Variants in NRG3 observed in about 807,000 individuals in gnomAD.
The protein encoded by NRG3 is pro-neuregulin-3, membrane-bound isoform.
Under a neutral mutation model 66.9 loss-of-function variants are expected in NRG3, and 31 were observed. The observed-to-expected ratio is 0.46, with a 90% CI of 0.35 to 0.63. The LOEUF is 0.63. Ranked by LOEUF, NRG3 falls within the 20% of genes least tolerant of loss-of-function variation. The pLI is 0.00. For missense variants in NRG3, 910 were observed against 878.9 expected (o/e 1.04, Z -0.45); for synonymous variants, 393 against 359.4 (o/e 1.09, Z -1.06).
chr10:82,420,314 G>A (rs556199392), intron 2 of NRG3, among the ~76,000 whole-genome samples: 2 of 152,192 alleles, frequency 1.3e-5, no homozygotes, highest in Admixed American at 6.5e-5. Flanking sequence ...GTCATAATTA[G>A]GGATGCAATG....
chr10:82,776,587 A>T lies in NRG3; in HGVS notation c.1027+37937A>T, dbSNP rs1591488469. On this transcript the variant is annotated intron_variant, in intron 3 of 8. Transcript: ENST00000372141. ...AATATTTATTCACTTAATGGTGTTT[A>T]ATAAGTCCCATAGACTTTCTTTTTC... Among the ~76,000 whole-genome samples the T allele has an allele frequency of 2.6e-5, 4 of 152,092 alleles. No individual in the cohort carries two copies. In the South Asian group the frequency reaches 8.3e-4, roughly 31 times the overall value.
At chr10:82,001,706 G>T (rs1011176518) in intron 1 of NRG3, among the ~76,000 whole-genome samples, 3 of 152,038 alleles carry the variant, frequency 2.0e-5, no homozygotes, top group African/African-American at 4.8e-5. Context: ...CACTTTTTTT[G>T]TACTGATATT....
intron 1 of NRG3, among the ~76,000 whole-genome samples, chr10:82,354,495 AT>A (rs563979662): frequency 9.0e-4 from 136 of 151,272 alleles, no homozygotes; most frequent in Non-Finnish European, 1.6e-3. Context: ...GGTTCAAGTG[AT>A]TCTCCTGCCT....
chr10:82,533,075 G>A (rs1847452016), intron 2 of NRG3, among the ~76,000 whole-genome samples: 1 of 148,636 alleles, frequency 6.7e-6, no homozygotes, highest in African/African-American at 2.5e-5. Flanking sequence ...ACATATACCT[G>A]TTGGCTATTT....
chr10:82,004,021 A>ACACG (rs1383676502), intron 1 of NRG3, among the ~76,000 whole-genome samples: 2 of 151,308 alleles, frequency 1.3e-5, no homozygotes, highest in Non-Finnish European at 2.9e-5. Context: ...ACACACACAC[A>ACACG]CACACACACA....
intron 1 of NRG3, among the ~76,000 whole-genome samples, chr10:82,094,854 A>G (rs1401086536): frequency 1.3e-5 from 2 of 152,166 alleles, no homozygotes; most frequent in Admixed American, 1.3e-4. Flanking sequence ...AAATGGACAT[A>G]CAGTATGGAA....
At chr10:82,326,563 C>T (rs1168412191) in intron 1 of NRG3, among the ~76,000 whole-genome samples, 1 of 152,088 alleles carries the variant, frequency 6.6e-6, no homozygotes, top group Admixed American at 6.6e-5. Context: ...GAAGTCGCCC[C>T]ATACTTCACT....
intron 2 of NRG3, among the ~76,000 whole-genome samples, chr10:82,366,320 A>G (rs1589866322): frequency 6.6e-6 from 1 of 152,306 alleles, no homozygotes; most frequent in East Asian, 1.9e-4. Context: ...GAATCCCGTG[A>G]GAGAAATTGT....
chr10:82,048,139 C>G (rs2063401013), intron 1 of NRG3, among the ~76,000 whole-genome samples: 1 of 151,810 alleles, frequency 6.6e-6, no homozygotes, highest in Non-Finnish European at 1.5e-5. Context: ...GACTCCCACA[C>G]AATAATAATG....
chr10:82,426,478 A>G (rs1045421541), intron 2 of NRG3, among the ~76,000 whole-genome samples: 1 of 150,922 alleles, frequency 6.6e-6, no homozygotes, highest in African/African-American at 2.4e-5. Flanking sequence ...ATATCTAAGA[A>G]AAGTTATCTA....
intron 4 of NRG3, among the ~76,000 whole-genome samples, chr10:82,907,039 A>G (rs940066296): frequency 6.6e-6 from 1 of 152,192 alleles, no homozygotes; most frequent in African/African-American, 2.4e-5. Context: ...CAGTCAATAC[A>G]AACTGATTTG....
intron 3 of NRG3, among the ~76,000 whole-genome samples, chr10:82,829,947 G>A (rs1377245048): frequency 6.6e-6 from 1 of 152,140 alleles, no homozygotes; most frequent in Non-Finnish European, 1.5e-5. Context: ...GGACAAGTGA[G>A]TACTAGTTGC....
chr10:82,248,430 C>T (rs1432487187), intron 1 of NRG3, among the ~76,000 whole-genome samples: 1 of 152,084 alleles, frequency 6.6e-6, no homozygotes, highest in Non-Finnish European at 1.5e-5. Context: ...CTGGCTCCTC[C>T]GTGAGAGAGC....
intron 2 of NRG3, among the ~76,000 whole-genome samples, chr10:82,699,742 A>G (rs536145467): frequency 5.3e-5 from 8 of 152,038 alleles, no homozygotes; most frequent in African/African-American, 1.7e-4. Context: ...TCCCACCCCT[A>G]TGGTCCATGG....
intron 2 of NRG3, among the ~76,000 whole-genome samples, chr10:82,475,542 C>G (rs1383395149): frequency 6.6e-6 from 1 of 152,022 alleles, no homozygotes; most frequent in African/African-American, 2.4e-5. Flanking sequence ...TAAACTTTTA[C>G]ATATATGGTT....
chr10:82,077,195 C>T (rs534019419), intron 1 of NRG3, among the ~76,000 whole-genome samples: 1 of 152,326 alleles, frequency 6.6e-6, no homozygotes, highest in East Asian at 1.9e-4. Flanking sequence ...TTAATGTCTA[C>T]ATTTATTTGC....
intron 2 of NRG3, among the ~76,000 whole-genome samples, chr10:82,514,110 G>A (rs1174839075): frequency 6.6e-6 from 1 of 152,068 alleles, no homozygotes; most frequent in Non-Finnish European, 1.5e-5. Context: ...TGGACAGATG[G>A]CAAAATTATT....
At chr10:82,899,875 G>A (rs1196696287) in intron 4 of NRG3, among the ~76,000 whole-genome samples, 1 of 152,166 alleles carries the variant, frequency 6.6e-6, no homozygotes, top group Non-Finnish European at 1.5e-5. Flanking sequence ...GAGGGGTAGA[G>A]GAAATTAAAG....
chr10:82,730,602 G>C (rs574115429), intron 2 of NRG3, among the ~76,000 whole-genome samples: 1 of 152,292 alleles, frequency 6.6e-6, no homozygotes, highest in Admixed American at 6.5e-5. Flanking sequence ...AGAGGATTTT[G>C]TAAAGGCTGT....
Sources: gnomAD v4.1 joint callset for allele counts (sites outside exome capture counted in the v4.1 genomes callset) on GRCh38, gnomAD v4.1.1 for gene constraint, MANE v1.5 for transcripts, NCBI Gene and HGNC (gene_info 2026-07-23, HGNC 2026-07-21) for gene names.